The following RSU1 variants were observed in gnomAD, a reference collection of about 807,000 sequenced individuals.
The protein encoded by RSU1 is Ras suppressor protein 1.
A neutral mutation model predicts 31.1 loss-of-function variants in RSU1; 26 were observed. The observed-to-expected ratio is 0.84, with a 90% CI of 0.61 to 1.16. The LOEUF (loss-of-function observed/expected upper bound fraction) is 1.16. RSU1 is among the 50% of genes most tolerant of loss of function. The probability of loss-of-function intolerance (pLI) is 0.00; values close to 1 mark genes in which losing one functional copy is unlikely to be tolerated. For synonymous variants in RSU1, 164 were observed against 136.3 expected (o/e 1.20, Z -1.41); for missense variants, 320 against 339.1 (o/e 0.94, Z 0.44).
At chr10:16,773,002 T>C (rs1345546500) in intron 3 of RSU1, among the ~76,000 whole-genome samples, 3 of 150,968 alleles carry the variant, frequency 2.0e-5, no homozygotes, top group Admixed American at 1.3e-4. Flanking sequence ...AGCCCAGGAG[T>C]TTCAGACCAG....
intron 3 of RSU1, among the ~76,000 whole-genome samples, chr10:16,775,380 T>C (rs548064789): frequency 6.6e-6 from 1 of 152,294 alleles, no homozygotes; most frequent in South Asian, 2.1e-4. Context: ...TTCTCACGAT[T>C]GGGGTGGTTC....
intron 8 of RSU1, among the ~76,000 whole-genome samples, chr10:16,647,380 C>T (rs779606550): frequency 8.5e-5 from 13 of 152,166 alleles, no homozygotes; most frequent in Non-Finnish European, 1.6e-4. Context: ...CCATTTGACC[C>T]GGCAATTCCA....
intron 8 of RSU1, among the ~76,000 whole-genome samples, chr10:16,690,779 T>C (rs956297527): frequency 6.6e-6 from 1 of 152,188 alleles, no homozygotes; most frequent in African/African-American, 2.4e-5. Flanking sequence ...AGTTTTTTAG[T>C]TCTTTATTCC....
chr10:16,638,385 C>T (rs778458928), intron 8 of RSU1, among the ~76,000 whole-genome samples: 23 of 152,206 alleles, frequency 1.5e-4, no homozygotes, highest in Non-Finnish European at 2.4e-4. Context: ...CAATATCACA[C>T]ATCGTGGCCT....
intron 7 of RSU1, among the ~76,000 whole-genome samples, chr10:16,729,925 T>C (rs139943981): frequency 6.6e-5 from 10 of 152,304 alleles, no homozygotes; most frequent in South Asian, 2.1e-4. Flanking sequence ...TAGTCCATTT[T>C]TGTGTTGCTA....
chr10:16,667,750 G>A (rs1223915772), intron 8 of RSU1, among the ~76,000 whole-genome samples: 1 of 152,054 alleles, frequency 6.6e-6, no homozygotes, highest in Admixed American at 6.6e-5. Context: ...GGCTTCCCAA[G>A]GTGCTGCAAT....
intron 8 of RSU1, among the ~76,000 whole-genome samples, chr10:16,660,939 T>C (rs60166538): frequency 0.043 from 6,546 of 152,200 alleles, 470 homozygotes; most frequent in African/African-American, 0.15. Flanking sequence ...TGAGCCACTG[T>C]TCCTGGCCCA....
intron 5 of RSU1, among the ~76,000 whole-genome samples, chr10:16,753,897 A>T (rs374015020): frequency 6.6e-6 from 1 of 152,160 alleles, no homozygotes; most frequent in South Asian, 2.1e-4. Context: ...AGCTAAGATC[A>T]CAGGCTCATG....
chr10:16,761,322 T>C (rs989698024), intron 4 of RSU1, among the ~76,000 whole-genome samples: 6 of 152,252 alleles, frequency 3.9e-5, no homozygotes, highest in Non-Finnish European at 7.3e-5. Context: ...TATTTGTTTA[T>C]AGTTGGTTTC....
chr10:16,610,761 A>G (rs376629777), intron 8 of RSU1, among the ~76,000 whole-genome samples: 5 of 152,324 alleles, frequency 3.3e-5, no homozygotes, highest in East Asian at 1.9e-4. Context: ...GACACATCCC[A>G]AAACCATCTC....
intron 2 of RSU1, among the ~76,000 whole-genome samples, chr10:16,793,574 AC>A (rs1419688666): frequency 3.9e-5 from 6 of 152,182 alleles, no homozygotes; most frequent in Admixed American, 3.3e-4. Context: ...AGGAAAAAAT[AC>A]ACAGAAAAAC....
At chr10:16,771,777 A>C (rs1051730476) in intron 3 of RSU1, among the ~76,000 whole-genome samples, 5 of 152,260 alleles carry the variant, frequency 3.3e-5, no homozygotes, top group Admixed American at 2.0e-4. Flanking sequence ...CAAAGCAGCT[A>C]TTAAAGCAGT....
chr10:16,771,889 A>G (rs1400996942), intron 3 of RSU1, among the ~76,000 whole-genome samples: 1 of 152,240 alleles, frequency 6.6e-6, no homozygotes, highest in Non-Finnish European at 1.5e-5. Context: ...GTAAACATAA[A>G]ATAGCAAAGT....
intron 3 of RSU1, among the ~76,000 whole-genome samples, chr10:16,774,206 A>G (rs1478363457): frequency 6.6e-6 from 1 of 152,212 alleles, no homozygotes; most frequent in Non-Finnish European, 1.5e-5. Context: ...ATTTAAGCAG[A>G]TTAATAAGAT....
intron 8 of RSU1, among the ~76,000 whole-genome samples, chr10:16,674,164 C>T (rs1835175177): frequency 6.6e-6 from 1 of 152,110 alleles, no homozygotes; most frequent in South Asian, 2.1e-4. Flanking sequence ...GTTCCCCTCC[C>T]CCTGGCCCCC....
chr10:16,794,359 A>T (rs1354287933), intron 2 of RSU1, among the ~76,000 whole-genome samples: 2 of 152,196 alleles, frequency 1.3e-5, no homozygotes, highest in Non-Finnish European at 2.9e-5. Flanking sequence ...ATTAAAAGGG[A>T]AGTGCCTGAA....
chr10:16,798,860 G>C (rs1379268201), intron 2 of RSU1, among the ~76,000 whole-genome samples: 1 of 152,030 alleles, frequency 6.6e-6, no homozygotes, highest in Admixed American at 6.6e-5. Context: ...GTAACACATC[G>C]ACAACACTCC....
chr10:16,729,010 T>A (rs1344706307), intron 7 of RSU1, among the ~76,000 whole-genome samples: 1 of 152,220 alleles, frequency 6.6e-6, no homozygotes, highest in African/African-American at 2.4e-5. Context: ...TCAGCCACTG[T>A]TTGTGCTCAT....
At position 16,716,416 on chromosome 10, in the gene RSU1, T is replaced by C. The variant is rs75490604; in HGVS notation, c.599-21261A>G. On this transcript the variant is annotated intron_variant, in intron 7 of 8. Coordinates refer to ENST00000345264, the MANE Select transcript of RSU1 (RefSeq NM_012425.4). ...CATGACTCACTTTTCACAATGTACA[T>C]GGCTGATCCTAAGCAGTTCTGAGAG... Among the ~76,000 whole-genome samples, 38 of 152,324 alleles carry C rather than the reference T, an allele frequency of 2.5e-4. No individual in the cohort carries two copies. In the East Asian group the frequency reaches 6.9e-3, roughly 28 times the overall value.
Sources: gnomAD v4.1 joint callset for allele counts (sites outside exome capture counted in the v4.1 genomes callset) on GRCh38, gnomAD v4.1.1 for gene constraint, MANE v1.5 for transcripts, NCBI Gene and HGNC (gene_info 2026-07-23, HGNC 2026-07-21) for gene names.